Variants in HIPK2 observed in about 807,000 individuals in gnomAD.
The protein encoded by HIPK2 is homeodomain interacting protein kinase 2.
HIPK2 carries 27 observed loss-of-function variants against 113.7 expected under a neutral mutation model. The observed-to-expected ratio is 0.24, with a 90% CI of 0.17 to 0.33. The LOEUF (loss-of-function observed/expected upper bound fraction) is 0.33, where lower values mean the gene tolerates loss of function less well. Ranked by LOEUF, HIPK2 falls within the 10% of genes least tolerant of loss-of-function variation. The probability of loss-of-function intolerance (pLI) is 1.00; values close to 1 mark genes in which losing one functional copy is unlikely to be tolerated. For synonymous variants in HIPK2, 631 were observed against 642.2 expected, an observed-to-expected ratio of 0.98 and a Z score of 0.26; for missense variants, 1,257 against 1,588.0, an observed-to-expected ratio of 0.79 and a Z score of 3.54.
At chr7:139,651,084 C>T (rs182930088) in intron 2 of HIPK2, among the ~76,000 whole-genome samples, 13 of 152,348 alleles carry the variant, frequency 8.5e-5, no homozygotes, top group Admixed American at 8.5e-4. Context: ...AGGGAGCACG[C>T]AGAGAAGCTC....
intron 2 of HIPK2, among the ~76,000 whole-genome samples, chr7:139,695,013 T>C (rs1276205051): frequency 3.9e-5 from 6 of 152,338 alleles, no homozygotes; most frequent in African/African-American, 1.4e-4. Context: ...CTGCTAATGT[T>C]TACTGGCATT....
intron 2 of HIPK2, among the ~76,000 whole-genome samples, chr7:139,649,473 A>C (rs1418197914): frequency 6.6e-6 from 1 of 152,132 alleles, no homozygotes; most frequent in Non-Finnish European, 1.5e-5. Flanking sequence ...TCACGTTTTT[A>C]TTCAGGCAAA....
chr7:139,746,325 C>T (rs1193502802), intron 1 of HIPK2, among the ~76,000 whole-genome samples: 1 of 152,162 alleles, frequency 6.6e-6, no homozygotes, highest in Non-Finnish European at 1.5e-5. Flanking sequence ...CTTCAAACCC[C>T]AGATCAAATG....
intron 2 of HIPK2, among the ~76,000 whole-genome samples, chr7:139,711,014 A>G (rs1348427082): frequency 1.4e-5 from 2 of 139,842 alleles, no homozygotes; most frequent in East Asian, 4.0e-4. Context: ...TTTTTTTTTT[A>G]ATAAATTACC....
chr7:139,590,849 T>C (rs1412301488), intron 12 of HIPK2, among the ~76,000 whole-genome samples: 1 of 152,080 alleles, frequency 6.6e-6, no homozygotes, highest in African/African-American at 2.4e-5. Context: ...TTCAAATTAT[T>C]ATTATTATTT....
In HIPK2 at chr7:139,777,853, G is replaced by C. The variant is rs1466444422; in HGVS notation, c.-230C>G. On this transcript the variant is annotated 5_prime_UTR_variant, in exon 1 of 15. Coordinates refer to ENST00000406875, the MANE Select transcript of HIPK2 (RefSeq NM_022740.5). ...GCTGCCGCCCGGGCCCGGCGCGGGG[G>C]GCTCGGGGCTCGGGGCTCGGGGCGG... 1.8e-4 allele frequency: 27 copies of C among 148,212 alleles called. No homozygotes were observed. In the Admixed American group the frequency reaches 1.8e-3, roughly 10 times the overall value. The allele number at this position is 148,212 out of a possible 1,614,324, so 9.2% of individuals were successfully genotyped here.
At chr7:139,756,199 T>G (rs1394858228) in intron 1 of HIPK2, among the ~76,000 whole-genome samples, 1 of 152,218 alleles carries the variant, frequency 6.6e-6, no homozygotes, top group African/African-American at 2.4e-5. Context: ...ATATTGTCAA[T>G]CTCAAAATCC....
chr7:139,631,523 TA>T lies in HIPK2; in HGVS notation c.1227+78del. ...TCCACAGTCCCGCCCATTTGTCATG[TA>T]ATCAATGAAATGCTAATCCAGGCTA... On this transcript the variant is annotated intron_variant, in intron 3 of 14. Coordinates refer to ENST00000406875, the MANE Select transcript of HIPK2 (RefSeq NM_022740.5). The surrounding 1 kb of genome is among the most constrained non-coding windows in gnomAD (Gnocchi z 4.9). 1 of 1,569,214 alleles carries T rather than the reference TA, an allele frequency of 6.4e-7. No homozygotes were observed. The highest frequency in any genetic ancestry group is 8.6e-7 in the Non-Finnish European group (1 of 1,156,330).
At chr7:139,605,050 T>C (rs924264407) in intron 9 of HIPK2, among the ~76,000 whole-genome samples, 2 of 152,238 alleles carry the variant, frequency 1.3e-5, no homozygotes, top group Admixed American at 6.5e-5. Context: ...TCACCAAATA[T>C]CTGGAACCTA....
chr7:139,654,049 T>C (rs1373591870), intron 2 of HIPK2, among the ~76,000 whole-genome samples: 3 of 152,150 alleles, frequency 2.0e-5, no homozygotes, highest in Admixed American at 6.5e-5. Flanking sequence ...GTTTCTTTAC[T>C]ACAGAGACAG....
chr7:139,730,050 G>C (rs575264151), intron 1 of HIPK2, among the ~76,000 whole-genome samples: 1 of 152,356 alleles, frequency 6.6e-6, no homozygotes, highest in South Asian at 2.1e-4. Flanking sequence ...GTAAGCCTCA[G>C]ATGGACTTTT....
At chr7:139,749,129 C>T (rs1348268986) in intron 1 of HIPK2, among the ~76,000 whole-genome samples, 4 of 152,246 alleles carry the variant, frequency 2.6e-5, no homozygotes, top group Non-Finnish European at 5.9e-5. Flanking sequence ...CCTTCTTTTA[C>T]AGGGATGTTC....
chr7:139,727,040 G>A (rs1239240056), intron 1 of HIPK2, among the ~76,000 whole-genome samples: 3 of 152,158 alleles, frequency 2.0e-5, no homozygotes, highest in Admixed American at 6.5e-5. Context: ...GGGAATGGGC[G>A]CAAGGTCATG....
chr7:139,660,999 A>G (rs1801849021), intron 2 of HIPK2, among the ~76,000 whole-genome samples: 1 of 136,432 alleles, frequency 7.3e-6, no homozygotes, highest in Admixed American at 8.0e-5. Flanking sequence ...CCTCTAAAAG[A>G]CACCTTTTTA....
intron 14 of HIPK2, among the ~76,000 whole-genome samples, chr7:139,573,863 A>G (rs1585225243): frequency 1.3e-5 from 2 of 151,576 alleles, no homozygotes; most frequent in South Asian, 4.2e-4. Context: ...AAAAAAAAAA[A>G]TTTACTTGGA....
intron 2 of HIPK2, among the ~76,000 whole-genome samples, chr7:139,643,228 T>C (rs1801087894): frequency 6.6e-6 from 1 of 152,200 alleles, no homozygotes; most frequent in Non-Finnish European, 1.5e-5. Context: ...GTCTAGATGT[T>C]GACATCATTC....
At chr7:139,577,031 A>C (rs1798514850) in intron 13 of HIPK2, among the ~76,000 whole-genome samples, 1 of 152,186 alleles carries the variant, frequency 6.6e-6, no homozygotes, top group Non-Finnish European at 1.5e-5. Flanking sequence ...TGAAATTTCC[A>C]ATCAAATGCA....
At chr7:139,751,580 T>TAGA (rs1796279256) in intron 1 of HIPK2, among the ~76,000 whole-genome samples, 14 of 141,576 alleles carry the variant, frequency 9.9e-5, no homozygotes, top group South Asian at 9.2e-4. Context: ...GGATGGATGG[T>TAGA]TGGATGGATA....
Position 139,563,535 on chromosome 7 carries a change from C to T in HIPK2, c.*9392G>A, listed in dbSNP as rs1798007743. The stretch of plus-strand genomic sequence containing the variant: ...AGAGCCCTTTTTCAGATACAACATA[C>T]TTACTTTTCAAATGAACAAAAGGCA... On this transcript the variant is annotated 3_prime_UTR_variant, in exon 15 of 15. Coordinates refer to ENST00000406875, the MANE Select transcript of HIPK2 (RefSeq NM_022740.5). The T allele has an allele frequency of 3.7e-6, 1 of 272,786 alleles. No homozygotes were observed. The highest frequency in any genetic ancestry group is 6.8e-6 in the Non-Finnish European group (1 of 147,744). The allele number at this position is 272,786 out of a possible 1,614,324, so 16.9% of individuals were successfully genotyped here.
Sources: allele counts gnomAD v4.1 joint callset (sites outside exome capture counted in the v4.1 genomes callset), GRCh38; gene constraint gnomAD v4.1.1; non-coding constraint Gnocchi (gnomAD v3.1); transcripts MANE v1.5; gene names NCBI Gene and HGNC (gene_info 2026-07-23, HGNC 2026-07-21).